ZNF469: variants seen among roughly 807,000 people sequenced by gnomAD.
The protein encoded by ZNF469 is zinc finger protein 469.
ZNF469 carries 1 observed loss-of-function variant against 1.0 expected under a neutral mutation model. The observed-to-expected ratio is 1.00, with a 90% CI of 0.35 to 4.73. The LOEUF is 4.73. Among genes scored for constraint, ZNF469 ranks in the 30% most tolerant of loss-of-function variants. The pLI, the probability that ZNF469 is intolerant of heterozygous loss-of-function variation, is 0.16. For synonymous variants in ZNF469, 2,703 were observed against 2,363.4 expected (o/e 1.14, Z -4.17); for missense variants, 6,100 against 5,356.3 (o/e 1.14, Z -4.33).
chr16:88,289,002 G>T, the ZNF469 span, among the ~76,000 whole-genome samples: 1 of 152,134 alleles, frequency 6.6e-6, no homozygotes, highest in Non-Finnish European at 1.5e-5. Context: ...TGATGGTGGT[G>T]GTGATGATAA....
chr16:88,157,973 G>A, the ZNF469 span, among the ~76,000 whole-genome samples: 7 of 152,078 alleles, frequency 4.6e-5, no homozygotes, highest in African/African-American at 1.7e-4. Context: ...GATGCCACAC[G>A]AGGCTCTGAG....
At chr16:88,412,249 G>T (rs1407492745) in intron 1 of ZNF469, among the ~76,000 whole-genome samples, 2 of 152,188 alleles carry the variant, frequency 1.3e-5, no homozygotes, top group Non-Finnish European at 2.9e-5. Context: ...GTCCCACTTG[G>T]CCATGCAGGC....
chr16:88,254,898 T>G, the ZNF469 span, among the ~76,000 whole-genome samples: 6 of 152,234 alleles, frequency 3.9e-5, no homozygotes, highest in African/African-American at 1.4e-4. Flanking sequence ...AGATAAATTT[T>G]GGGGAAAATT....
At chr16:88,211,444 A>G in the ZNF469 span, among the ~76,000 whole-genome samples, 1 of 152,228 alleles carries the variant, frequency 6.6e-6, no homozygotes, top group Admixed American at 6.5e-5. Context: ...AAGTCGATAC[A>G]AACTGGGGGT....
chr16:88,324,350 T>C, the ZNF469 span, among the ~76,000 whole-genome samples: 5 of 122,338 alleles, frequency 4.1e-5, no homozygotes, highest in African/African-American at 1.3e-4. Flanking sequence ...GGGAGGTGGG[T>C]GGAAGGATGT....
At chr16:88,397,318 C>G (rs1031823326) in intron 1 of ZNF469, among the ~76,000 whole-genome samples, 2 of 152,256 alleles carry the variant, frequency 1.3e-5, no homozygotes, top group African/African-American at 4.8e-5. Flanking sequence ...TGCACTCACC[C>G]TGGGACCTGG....
At chr16:88,123,460 G>A in the ZNF469 span, among the ~76,000 whole-genome samples, 6 of 152,080 alleles carry the variant, frequency 3.9e-5, no homozygotes, top group African/African-American at 7.2e-5. Flanking sequence ...ATAAACTGCC[G>A]TGGATGAAGA....
At chr16:88,141,763 C>A in the ZNF469 span, among the ~76,000 whole-genome samples, 189 of 152,288 alleles carry the variant, frequency 1.2e-3, no homozygotes, top group African/African-American at 4.3e-3. Flanking sequence ...GTGGCAATGG[C>A]AGCAGAGGTC....
chr16:88,363,467 T>A, the ZNF469 span, among the ~76,000 whole-genome samples: 6 of 152,242 alleles, frequency 3.9e-5, no homozygotes, highest in Admixed American at 3.9e-4. Flanking sequence ...ATTCCAATTA[T>A]TTAGCCCCAG....
chr16:88,293,176 A>C, the ZNF469 span, among the ~76,000 whole-genome samples: 3 of 151,828 alleles, frequency 2.0e-5, no homozygotes, highest in Admixed American at 6.6e-5. Flanking sequence ...GTGGATGAAT[A>C]CATGGGTGGA....
chr16:88,137,954 A>G, the ZNF469 span, among the ~76,000 whole-genome samples: 1 of 152,158 alleles, frequency 6.6e-6, no homozygotes, highest in Non-Finnish European at 1.5e-5. Flanking sequence ...GCCCAAGACG[A>G]TAGAGCCGGG....
chr16:88,175,766 C>T, the ZNF469 span, among the ~76,000 whole-genome samples: 6 of 152,142 alleles, frequency 3.9e-5, no homozygotes, highest in African/African-American at 1.4e-4. Flanking sequence ...TCAATTATCA[C>T]CTTGAGAAAC....
chr16:88,168,920 A>AC, the ZNF469 span, among the ~76,000 whole-genome samples: 11,631 of 150,396 alleles, frequency 0.077, 612 homozygotes, highest in East Asian at 0.25. This position sits in a 1 kb window ranked among gnomAD's most constrained non-coding sequence, Gnocchi z 4.3. Context: ...ACATAGTGAG[A>AC]CCCCCCCCTC....
chr16:88,185,427 TAG>T, the ZNF469 span, among the ~76,000 whole-genome samples: 2 of 152,106 alleles, frequency 1.3e-5, no homozygotes, highest in East Asian at 1.9e-4. Context: ...ATGAATACAA[TAG>T]AAACACATGC....
chr16:88,346,535 T>C, the ZNF469 span, among the ~76,000 whole-genome samples: 1 of 152,270 alleles, frequency 6.6e-6, no homozygotes, highest in Admixed American at 6.5e-5. Flanking sequence ...TTTTATTTTT[T>C]AGAGACAGGG....
chr16:88,237,151 G>GCACCCTCCCT, the ZNF469 span, among the ~76,000 whole-genome samples: 1 of 89,400 alleles, frequency 1.1e-5, no homozygotes, highest in Non-Finnish European at 2.5e-5. Context: ...CTCCTGCCAC[G>GCACCCTCCCT]GACCCTCCCT....
the ZNF469 span, among the ~76,000 whole-genome samples, chr16:88,226,966 G>GTCT: frequency 6.6e-6 from 1 of 151,800 alleles, no homozygotes. Flanking sequence ...TTCCACCCGT[G>GTCT]CCTCCTCCGC....
chr16:88,197,018 G>C, the ZNF469 span, among the ~76,000 whole-genome samples: 7 of 152,328 alleles, frequency 4.6e-5, no homozygotes, highest in East Asian at 1.3e-3. Flanking sequence ...TGACTGTCTT[G>C]TTCAGCGGCT....
the ZNF469 span, among the ~76,000 whole-genome samples, chr16:88,353,049 G>A: frequency 3.3e-5 from 5 of 152,204 alleles, no homozygotes; most frequent in African/African-American, 1.2e-4. Context: ...GGTCTGGGCA[G>A]GGAGAGACCA....
Sources: gnomAD v4.1 joint callset for allele counts (sites outside exome capture counted in the v4.1 genomes callset) on GRCh38, gnomAD v4.1.1 for gene constraint, Gnocchi (gnomAD v3.1) non-coding constraint, MANE v1.5 for transcripts, NCBI Gene and HGNC (gene_info 2026-07-23, HGNC 2026-07-21) for gene names.